The following PIEZO2 variants were observed in gnomAD, a reference collection of about 807,000 sequenced individuals.
PIEZO2 encodes piezo-type mechanosensitive ion channel component 2.
Under a neutral mutation model 337.3 loss-of-function variants are expected in PIEZO2, and 172 were observed. The observed-to-expected ratio is 0.51, with a 90% CI of 0.45 to 0.58. PIEZO2 has a LOEUF of 0.58. Ranked by LOEUF, PIEZO2 falls within the 20% of genes least tolerant of loss-of-function variation. The probability of loss-of-function intolerance (pLI) is 0.00; values close to 1 mark genes in which losing one functional copy is unlikely to be tolerated. For missense variants in PIEZO2, 3,028 were observed against 3,391.3 expected (o/e 0.89, Z 2.66); for synonymous variants, 1,251 against 1,228.5 (o/e 1.02, Z -0.38).
chr18:10,769,857 T>C (rs887807132), intron 21 of PIEZO2: 2 of 266,418 alleles, frequency 7.5e-6, no homozygotes, highest in African/African-American at 4.4e-5. Context: ...TAGATTCCCA[T>C]AGGCAGGGGC....
At position 10,761,223 on chromosome 18, in the gene PIEZO2, C is replaced by T. The variant is rs558508929; in HGVS notation, c.3250-112G>A. On this transcript the variant is annotated intron_variant, in intron 23 of 55. Transcript: ENST00000674853. ...AGGACAATGTTTTATAAAAGCTCACCTCTCTTAAGCAGTTTTGAGCTCAAT... is the reference window on the plus strand; with the variant it reads ...AGGACAATGTTTTATAAAAGCTCACTTCTCTTAAGCAGTTTTGAGCTCAAT... 32 of 927,822 alleles carry T rather than the reference C, an allele frequency of 3.4e-5. No homozygotes were observed. The South Asian group carries it at 4.4e-4, about 13-fold the overall frequency. 57.5% of individuals were successfully genotyped at this position (927,822 alleles called of 1,614,324 possible).
At position 10,876,909 on chromosome 18, in the gene PIEZO2, C is replaced by G. The variant is rs76993772; in HGVS notation, c.330-5494G>C. The stretch of plus-strand genomic sequence containing the variant: ...CTCCCAACTGCAAGGCCCAAGTGAC[C>G]CATTCCAATTCTCATCACATTCCAC... On this transcript the variant is annotated intron_variant, in intron 4 of 55. Transcript: ENST00000674853. 1.5e-3 allele frequency among the ~76,000 whole-genome samples: 227 copies of G among 152,286 alleles called. 2 individuals are homozygous for G. The East Asian group carries it at 0.041, about 28-fold the overall frequency.
intron 40 of PIEZO2, 86 bp from the exon 41 acceptor site, chr18:10,705,832 G>C: frequency 7.1e-7 from 1 of 1,400,506 alleles, no homozygotes; most frequent in Non-Finnish European, 9.4e-7. Flanking sequence ...GACCTCATCA[G>C]AACTCCTAAG....
At chr18:10,751,298 C>A (rs1476730277) in intron 28 of PIEZO2, among the ~76,000 whole-genome samples, 1 of 152,138 alleles carries the variant, frequency 6.6e-6, no homozygotes, top group Non-Finnish European at 1.5e-5. Flanking sequence ...AATGAATGAA[C>A]TTTGAATCCA....
chr18:10,808,512 T>C (rs963961008), intron 7 of PIEZO2, among the ~76,000 whole-genome samples: 3 of 152,242 alleles, frequency 2.0e-5, no homozygotes, highest in Non-Finnish European at 4.4e-5. Context: ...CTGTTTTCTA[T>C]CACAATGCAA....
In PIEZO2 at chr18:10,672,899, A is replaced by G; in HGVS notation, c.8162-26T>C. On this transcript the variant is annotated intron_variant, in intron 54 of 55. Transcript: ENST00000674853. The surrounding 1 kb of genome is among the most constrained non-coding windows in gnomAD (Gnocchi z 4.7). ...CTAGAAGGGTAGAAATGCAAAATTA[A>G]GTTGACATGAGAATTTTAGGATTTC... 4 of 1,553,900 alleles carry G rather than the reference A, an allele frequency of 2.6e-6. No individual in the cohort carries two copies. Among genetic ancestry groups the G allele is most frequent in the Non-Finnish European group, 3.5e-6 (4 of 1,140,698 alleles).
intron 33 of PIEZO2, chr18:10,739,818 G>A (rs901603737): frequency 6.6e-6 from 1 of 152,080 alleles, no homozygotes; most frequent in Non-Finnish European, 1.5e-5. Flanking sequence ...GATTAAATTT[G>A]ATTACATCCA....
chr18:10,890,991 T>A (rs1246402805), intron 4 of PIEZO2, among the ~76,000 whole-genome samples: 1 of 152,220 alleles, frequency 6.6e-6, no homozygotes, highest in Admixed American at 6.5e-5. Context: ...GTAACTTTTT[T>A]TTTCCTTTGA....
chr18:11,006,719 C>A (rs1370125214), intron 2 of PIEZO2, among the ~76,000 whole-genome samples: 1 of 152,040 alleles, frequency 6.6e-6, no homozygotes, highest in African/African-American at 2.4e-5. Flanking sequence ...CCCTCATGCT[C>A]TTCCTCTTCC....
chr18:11,023,788 C>A (rs1310202218), intron 2 of PIEZO2, among the ~76,000 whole-genome samples: 1 of 152,228 alleles, frequency 6.6e-6, no homozygotes, highest in Non-Finnish European at 1.5e-5. Flanking sequence ...CCGAACCCTG[C>A]CCCGCTGGGA....
In PIEZO2 at chr18:10,752,808, A is replaced by G; in HGVS notation, c.3995T>C (p.Ile1332Thr). 6.5e-7 allele frequency: 1 copy of G among 1,537,222 alleles called. No individual in the cohort carries two copies. Among genetic ancestry groups the G allele is most frequent in the East Asian group, 2.4e-5 (1 of 40,922 alleles). ...LFWFVLTIIF[I>T]TGTTRISIFC... Reference sequence around the variant, plus strand: ...GATGCTGATCCTGGTGGTCCCAGTGATGAAGATGATGGTGAGCACAAACCA... The same window carrying G: ...GATGCTGATCCTGGTGGTCCCAGTGGTGAAGATGATGGTGAGCACAAACCA... Residue 1332 changes from isoleucine (I) to threonine (T), a missense_variant, in exon 28 of 56, where the codon ATC becomes ACC. Ile to Thr is a moderately conservative substitution (Grantham distance 89). Transcript: ENST00000674853.
chr18:10,801,392 C>T lies in PIEZO2; in HGVS notation c.1237G>A (p.Asp413Asn), dbSNP rs2039810073. The change falls in exon 10 of 56, where the codon GAT (aspartate) becomes AAT (asparagine). Residue 413 changes from aspartate (D) to asparagine (N), a missense_variant and splice_region_variant. This residue lies in a region of PIEZO2 where 542 missense variants were observed against 605.6 expected (regional missense o/e 0.89). Coordinates refer to ENST00000674853, the MANE Select transcript of PIEZO2 (RefSeq NM_001378183.1). ...SMTQDDYKPS[D>N]GLLVTVNGNP... is the part of the protein sequence containing the mutation. Reference sequence around the variant, plus strand: ...GATAATTCTAAGGGTATACTAACATCAGATGGTTTGTAGTCATCCTGGGTC... The same window carrying T: ...GATAATTCTAAGGGTATACTAACATTAGATGGTTTGTAGTCATCCTGGGTC... The T allele has an allele frequency of 1.3e-6, 2 of 1,494,846 alleles. No homozygotes were observed. The highest frequency in any genetic ancestry group is 2.4e-5 in the South Asian group (2 of 83,110). 92.6% of individuals were successfully genotyped at this position (1,494,846 alleles called of 1,614,324 possible).
chr18:11,023,383 G>A (rs142830654), intron 2 of PIEZO2, among the ~76,000 whole-genome samples: 1,845 of 152,272 alleles, frequency 0.012, 38 homozygotes, highest in African/African-American at 0.04. Context: ...TCCACACAAA[G>A]GTTCTCCAAG....
chr18:10,996,172 T>C (rs1372901714), intron 2 of PIEZO2, among the ~76,000 whole-genome samples: 1 of 152,200 alleles, frequency 6.6e-6, no homozygotes, highest in Admixed American at 6.5e-5. Context: ...GAAATATCTT[T>C]TGATTTGTTC....
At chr18:10,989,001 A>T (rs1415969065) in intron 2 of PIEZO2, among the ~76,000 whole-genome samples, 1 of 152,138 alleles carries the variant, frequency 6.6e-6, no homozygotes, top group African/African-American at 2.4e-5. Context: ...AGAAGTTCTG[A>T]AGATCTACTA....
At chr18:10,986,365 C>A (rs2034870013) in intron 2 of PIEZO2, among the ~76,000 whole-genome samples, 1 of 151,884 alleles carries the variant, frequency 6.6e-6, no homozygotes, top group African/African-American at 2.4e-5. Flanking sequence ...AATTCAATGA[C>A]ACATTAAAAG....
In PIEZO2 at chr18:11,078,767, A is replaced by C; in HGVS notation, c.65-12545T>G. 6.6e-6 allele frequency among the ~76,000 whole-genome samples: 1 copy of C among 152,354 alleles called. No individual in the cohort carries two copies. Among genetic ancestry groups the C allele is most frequent in the Middle Eastern group, 3.4e-3 (1 of 294 alleles). On this transcript the variant is annotated intron_variant, in intron 1 of 55. Transcript: ENST00000674853. The surrounding 1 kb of genome is among the most constrained non-coding windows in gnomAD (Gnocchi z 5.3). ...AGCAATGAATTGGATGAATGCCTCA[A>C]AATGAACCTCTTTTGCCAGATCTCT...
At position 10,862,867 on chromosome 18, in the gene PIEZO2, T is replaced by G. The variant is rs893773623; in HGVS notation, c.493-5656A>C. On this transcript the variant is annotated intron_variant, in intron 5 of 55. Transcript: ENST00000674853. This position sits in a 1 kb window ranked among gnomAD's most constrained non-coding sequence, Gnocchi z 4.4. ...AATAGGCACAATTTGAAAATATATT[T>G]TTTTAATCATATCCTAGCAGACTCC... Among the ~76,000 whole-genome samples the G allele has an allele frequency of 6.6e-6, 1 of 152,222 alleles. No homozygotes were observed. Among genetic ancestry groups the G allele is most frequent in the Non-Finnish European group, 1.5e-5 (1 of 68,044 alleles).
rs1260388488 is a variant in PIEZO2, at chr18:10,854,810, C to A, written c.917+543G>T. Among the ~76,000 whole-genome samples, 1 of 152,184 alleles carries A rather than the reference C, an allele frequency of 6.6e-6. No individual in the cohort carries two copies. The highest frequency in any genetic ancestry group is 1.5e-5 in the Non-Finnish European group (1 of 68,038). Reference sequence around the variant, plus strand: ...CTCACCGCAGTCTTGACCTCCCAGGCTCAGGTGACGCTCCCACTTCAGCCT... The same window carrying A: ...CTCACCGCAGTCTTGACCTCCCAGGATCAGGTGACGCTCCCACTTCAGCCT... On this transcript the variant is annotated intron_variant, in intron 7 of 55. Coordinates refer to ENST00000674853, the MANE Select transcript of PIEZO2 (RefSeq NM_001378183.1). The surrounding 1 kb of genome is among the most constrained non-coding windows in gnomAD (Gnocchi z 4.6).
Sources: gnomAD v4.1 joint callset for allele counts (sites outside exome capture counted in the v4.1 genomes callset) on GRCh38, gnomAD v4.1.1 for gene constraint, gnomAD v4.1.1 regional missense constraint, Gnocchi (gnomAD v3.1) non-coding constraint, MANE v1.5 for transcripts, NCBI Gene and HGNC (gene_info 2026-07-23, HGNC 2026-07-21) for gene names.